ZNF26: variants seen among roughly 807,000 people sequenced by gnomAD.
ZNF26 encodes zinc finger protein 26, also known as epididymis luminal protein 179.
In ZNF26, 32 loss-of-function variants were observed where a neutral mutation model predicts 54.9. The ratio of observed to expected loss-of-function variants is 0.58; its 90% confidence interval spans 0.44 to 0.78. ZNF26 has a LOEUF of 0.78. ZNF26 is among the 30% of genes least tolerant of loss of function. The probability of loss-of-function intolerance (pLI) is 0.00; values close to 1 mark genes in which losing one functional copy is unlikely to be tolerated. For missense variants in ZNF26, 524 were observed against 634.0 expected (o/e 0.83, Z 1.86); for synonymous variants, 221 against 209.2 (o/e 1.06, Z -0.49).
chr12:133,002,895 A>T (rs1953249468), intron 1 of ZNF26, among the ~76,000 whole-genome samples: 1 of 152,014 alleles, frequency 6.6e-6, no homozygotes, highest in South Asian at 2.1e-4. Context: ...AAGTGCTGGG[A>T]TTACAGGTGT....
At chr12:132,987,723 G>T in intron 1 of ZNF26, 1 of 985,440 alleles carries the variant, frequency 1.0e-6, no homozygotes, top group Non-Finnish European at 1.2e-6. Context: ...TATTGTATTC[G>T]TGGAAGCTCA....
chr12:133,002,414 T>A (rs1953238029), intron 1 of ZNF26, among the ~76,000 whole-genome samples: 1 of 152,058 alleles, frequency 6.6e-6, no homozygotes, highest in African/African-American at 2.4e-5. Context: ...TATCTCCTCT[T>A]ACACAACCCC....
At position 133,020,670 on chromosome 12, in the gene ZNF26, CAAAG is replaced by C. The variant is rs1236781951; in HGVS notation, c.*9192_*9195del. On this transcript the variant is annotated 3_prime_UTR_variant, in exon 4 of 4. Coordinates refer to ENST00000328654, the MANE Select transcript of ZNF26 (RefSeq NM_019591.4). ...TATAAGTTGTCTAGGACTGTCGTAA[CAAAG>C]AACCACAAACTGGATGGCTTAAACA... 5 of 152,154 alleles carry C rather than the reference CAAAG, an allele frequency of 3.3e-5. No individual in the cohort carries two copies. Among genetic ancestry groups the C allele is most frequent in the Non-Finnish European group, 5.9e-5 (4 of 68,018 alleles). 9.4% of individuals were successfully genotyped at this position (152,154 alleles called of 1,614,324 possible). A position where few individuals can be genotyped will look rare whatever the true frequency, so the allele number is the denominator to read the frequency against.
rs1953612619 is a variant in ZNF26, at chr12:133,019,641, T to G, written c.*8160T>G. ...TGGGAGTGGAAATTAGTACAGCCAC[T>G]ATGGAGAACAGTATGGAGGCTCCTC... On this transcript the variant is annotated 3_prime_UTR_variant, in exon 4 of 4. Transcript: ENST00000328654. The G allele has an allele frequency of 2.6e-5, 4 of 152,248 alleles. No individual in the cohort carries two copies. In the South Asian group the frequency reaches 8.3e-4, roughly 32 times the overall value. The allele number at this position is 152,248 out of a possible 1,614,324, so 9.4% of individuals were successfully genotyped here.
chr12:132,993,410 C>T (rs1953006409), intron 1 of ZNF26, among the ~76,000 whole-genome samples: 1 of 151,934 alleles, frequency 6.6e-6, no homozygotes, highest in African/African-American at 2.4e-5. Context: ...TTGTCTGATA[C>T]CTTCAACATC....
chr12:132,986,867 G>T lies in ZNF26; in HGVS notation c.27G>T (p.Ser9=). MATSFRTA[S]CWGLLSFKDI... Reference sequence around the variant, plus strand: ...TGGCCACCAGTTTCCGGACAGCTTCGTGCTGGGTAAGTAGAGACTTTCCGT... The same window carrying T: ...TGGCCACCAGTTTCCGGACAGCTTCTTGCTGGGTAAGTAGAGACTTTCCGT... The change falls in exon 1 of 4, where the codon TCG becomes TCT. Residue 9 remains serine, a synonymous_variant. Transcript: ENST00000328654. 1 of 1,607,408 alleles carries T rather than the reference G, an allele frequency of 6.2e-7. No individual in the cohort carries two copies. The highest frequency in any genetic ancestry group is 1.1e-5 in the South Asian group (1 of 89,668).
At position 133,020,944 on chromosome 12, in the gene ZNF26, ATT is replaced by A. The variant is rs1286151632; in HGVS notation, c.*9464_*9465del. ...TTGACTCCTAAGTCCTCATTTTAAC[ATT>A]GTTAACTCTGTACAGACCCTCTCTC... is the stretch of plus-strand genomic sequence containing the variant. On this transcript the variant is annotated 3_prime_UTR_variant, in exon 4 of 4. Transcript: ENST00000328654. The A allele has an allele frequency of 6.6e-6, 1 of 151,832 alleles. No homozygotes were observed. Among genetic ancestry groups the A allele is most frequent in the Non-Finnish European group, 1.5e-5 (1 of 67,986 alleles). The allele number at this position is 151,832 out of a possible 1,614,324, so 9.4% of individuals were successfully genotyped here. A position where few individuals can be genotyped will look rare whatever the true frequency, so the allele number is the denominator to read the frequency against.
intron 3 of ZNF26, among the ~76,000 whole-genome samples, chr12:133,008,333 TG>T (rs1380003285): frequency 1.3e-5 from 2 of 152,186 alleles, no homozygotes; most frequent in African/African-American, 4.8e-5. Context: ...TAAGGAGCAG[TG>T]CCATCTTGCC....
intron 1 of ZNF26, among the ~76,000 whole-genome samples, chr12:132,997,378 A>G (rs1001587033): frequency 3.3e-5 from 5 of 152,180 alleles, no homozygotes; most frequent in African/African-American, 1.2e-4. Flanking sequence ...AGAAACCCAC[A>G]TGGTAGATTA....
intron 3 of ZNF26, among the ~76,000 whole-genome samples, chr12:133,008,161 T>C (rs1182621583): frequency 6.6e-6 from 1 of 152,200 alleles, no homozygotes; most frequent in Non-Finnish European, 1.5e-5. Context: ...ACTTGAGTCC[T>C]GGGTTTTACC....
At chr12:133,002,107 TC>T (rs1349345481) in intron 1 of ZNF26, among the ~76,000 whole-genome samples, 1 of 152,164 alleles carries the variant, frequency 6.6e-6, no homozygotes, top group Non-Finnish European at 1.5e-5. Context: ...TCCCCCATCT[TC>T]CGTCATTCAT....
At position 133,001,619 on chromosome 12, in the gene ZNF26, C is replaced by T. The variant is rs1022731393; in HGVS notation, c.34-5423C>T. On this transcript the variant is annotated intron_variant, in intron 1 of 3. Transcript: ENST00000328654. This position sits in a 1 kb window ranked among gnomAD's most constrained non-coding sequence, Gnocchi z 4.7. ...CACTCACTGCCTCTTCCCCTGGGGT[C>T]TCCCTCCCTGCAGGTAGTGCTGCTG... 28 of 1,284,390 alleles carry T rather than the reference C, an allele frequency of 2.2e-5. No individual in the cohort carries two copies. The African/African-American group carries it at 3.6e-4, about 17-fold the overall frequency. 79.6% of individuals were successfully genotyped at this position (1,284,390 alleles called of 1,614,324 possible). A position where few individuals can be genotyped will look rare whatever the true frequency, so the allele number is the denominator to read the frequency against.
At chr12:132,989,725 A>G (rs1952906332) in intron 1 of ZNF26, among the ~76,000 whole-genome samples, 1 of 152,236 alleles carries the variant, frequency 6.6e-6, no homozygotes, top group East Asian at 1.9e-4. Context: ...TTTTTGGAAC[A>G]GGGATTCTCA....
At chr12:133,006,093 C>A in intron 1 of ZNF26, 1 of 985,150 alleles carries the variant, frequency 1.0e-6, no homozygotes. Flanking sequence ...TACAGAAACT[C>A]CATTTCTGAA....
rs67278075 is a variant in ZNF26 at position 133,015,353 on chromosome 12, CAA to C, written c.*3888_*3889del. 8.1e-5 allele frequency: 8 copies of C among 98,430 alleles called. No homozygotes were observed. The highest frequency in any genetic ancestry group is 1.2e-4 in the Non-Finnish European group (6 of 51,024). 6.1% of individuals were successfully genotyped at this position (98,430 alleles called of 1,614,324 possible). ...TGGGTGACAGAGTGAGACTCTGTCT[CAA>C]AAAAAAAAAAAAAAAGAAAAGAAAA... On this transcript the variant is annotated 3_prime_UTR_variant, in exon 4 of 4. Transcript: ENST00000328654.
rs1399764593 is a variant in ZNF26 at position 133,001,688 on chromosome 12, T to C, written c.34-5354T>C. ...AGCTCAAGTGTCAAGTTCGGGAATCTTCTGGGTGTTCCTTGGGCCCAGGGA... is the reference window on the plus strand; with the variant it reads ...AGCTCAAGTGTCAAGTTCGGGAATCCTCTGGGTGTTCCTTGGGCCCAGGGA... On this transcript the variant is annotated intron_variant, in intron 1 of 3. Transcript: ENST00000328654. The surrounding 1 kb of genome is among the most constrained non-coding windows in gnomAD (Gnocchi z 4.7). 7.8e-6 allele frequency: 10 copies of C among 1,289,068 alleles called. No individual in the cohort carries two copies. Among genetic ancestry groups the C allele is most frequent in the Non-Finnish European group, 1.0e-5 (10 of 988,712 alleles). The allele number at this position is 1,289,068 out of a possible 1,614,324, so 79.9% of individuals were successfully genotyped here.
rs1952831304 is a variant in ZNF26 at position 132,986,794 on chromosome 12, C to T, written c.-47C>T. On this transcript the variant is annotated 5_prime_UTR_variant, in exon 1 of 4. Transcript: ENST00000328654. ...CGCATCCCTCACGGTCTCTCCGCAGCCCGCGGGTCCTGCCCCCGCAGGCAG... is the reference window on the plus strand; with the variant it reads ...CGCATCCCTCACGGTCTCTCCGCAGTCCGCGGGTCCTGCCCCCGCAGGCAG... 2.7e-5 allele frequency: 43 copies of T among 1,570,634 alleles called. No individual in the cohort carries two copies. The South Asian group carries it at 3.9e-4, about 14-fold the overall frequency.
intron 1 of ZNF26, chr12:133,006,114 GT>G: frequency 1.0e-6 from 1 of 985,134 alleles, no homozygotes; most frequent in Non-Finnish European, 1.2e-6. Context: ...TTTCCCTGCT[GT>G]TCCCTCCCAG....
rs1953673860 is a variant in ZNF26 at position 133,024,047 on chromosome 12, A to C, written c.*12566A>C. On this transcript the variant is annotated 3_prime_UTR_variant, in exon 4 of 4. Coordinates refer to ENST00000328654, the MANE Select transcript of ZNF26 (RefSeq NM_019591.4). ...CTCTCCTGAATCCCTGACAAACAGG[A>C]ACCATCAGAAATAATAACGTCTTTG... 1 of 152,230 alleles carries C rather than the reference A, an allele frequency of 6.6e-6. No individual in the cohort carries two copies. The highest frequency in any genetic ancestry group is 2.4e-5 in the African/African-American group (1 of 41,458). The allele number at this position is 152,230 out of a possible 1,614,324, so 9.4% of individuals were successfully genotyped here.
Sources: allele counts gnomAD v4.1 joint callset (sites outside exome capture counted in the v4.1 genomes callset), GRCh38; gene constraint gnomAD v4.1.1; non-coding constraint Gnocchi (gnomAD v3.1); transcripts MANE v1.5; gene names NCBI Gene and HGNC (gene_info 2026-07-23, HGNC 2026-07-21).